ST3GAL4: variants seen among roughly 807,000 people sequenced by gnomAD.
ST3GAL4 encodes the protein ST3 beta-galactoside alpha-2,3-sialyltransferase 4.
Under a neutral mutation model 42.6 loss-of-function variants are expected in ST3GAL4, and 24 were observed. That is an observed-to-expected ratio of 0.56 (90% CI 0.41 to 0.79). The LOEUF is 0.79. Ranked by LOEUF, ST3GAL4 falls within the 30% of genes least tolerant of loss-of-function variation. The probability of loss-of-function intolerance (pLI) is 0.00; values close to 1 mark genes in which losing one functional copy is unlikely to be tolerated. For missense variants in ST3GAL4, 311 were observed against 430.8 expected, an observed-to-expected ratio of 0.72 and a Z score of 2.46; for synonymous variants, 135 against 163.2, an observed-to-expected ratio of 0.83 and a Z score of 1.32.
intron 1 of ST3GAL4, among the ~76,000 whole-genome samples, chr11:126,375,813 G>C (rs1027999151): frequency 6.6e-6 from 1 of 150,678 alleles, no homozygotes; most frequent in East Asian, 1.9e-4. Flanking sequence ...ACAATGAACT[G>C]TCTGGCCCCC....
chr11:126,377,094 C>A (rs1435536666), intron 1 of ST3GAL4, among the ~76,000 whole-genome samples: 1 of 152,154 alleles, frequency 6.6e-6, no homozygotes, highest in Non-Finnish European at 1.5e-5. Flanking sequence ...GAAGGCAGTG[C>A]CCATCTAATG....
rs1185385904 is a variant in ST3GAL4 at position 126,363,392 on chromosome 11, G to C, written c.-61+7550G>C. On this transcript the variant is annotated intron_variant, in intron 1 of 10. Transcript: ENST00000444328. The surrounding 1 kb of genome is among the most constrained non-coding windows in gnomAD (Gnocchi z 4.6). ...CCTCAGCATTCAGGTTGTCCTCATA[G>C]TGGAACTGGGACTCTGGGGGTGGCT... is the stretch of plus-strand genomic sequence containing the variant. Among the ~76,000 whole-genome samples, 3 of 152,246 alleles carry C rather than the reference G, an allele frequency of 2.0e-5. No individual in the cohort carries two copies. Among genetic ancestry groups the C allele is most frequent in the South Asian group, 2.1e-4 (1 of 4,826 alleles).
At chr11:126,395,093 G>A (rs533828948) in intron 1 of ST3GAL4, among the ~76,000 whole-genome samples, 3 of 152,160 alleles carry the variant, frequency 2.0e-5, no homozygotes, top group Non-Finnish European at 4.4e-5. Context: ...AGGCTACAGC[G>A]TCCAGCCAGG....
chr11:126,374,456 A>C (rs1030803723), intron 1 of ST3GAL4, among the ~76,000 whole-genome samples: 1 of 116,766 alleles, frequency 8.6e-6, no homozygotes, highest in African/African-American at 4.0e-5. Context: ...TTTGTCTCCA[A>C]AAAAAAAAAA....
chr11:126,395,019 T>G (rs1455848221), intron 1 of ST3GAL4, among the ~76,000 whole-genome samples: 1 of 152,020 alleles, frequency 6.6e-6, no homozygotes, highest in African/African-American at 2.4e-5. Context: ...CTGCCAACTC[T>G]AATGAGCCAG....
Position 126,366,830 on chromosome 11 carries a change from C to T in ST3GAL4, c.-61+10988C>T, listed in dbSNP as rs752343186. On this transcript the variant is annotated intron_variant, in intron 1 of 10. Coordinates refer to ENST00000444328, the MANE Select transcript of ST3GAL4 (RefSeq NM_001254757.2). This position sits in a 1 kb window ranked among gnomAD's most constrained non-coding sequence, Gnocchi z 4.2. ...TCCTTCCGGGAGGAGGCAGGGTGAGCGCAGAAACCACTGCTCCAAAACTCT... is the reference window on the plus strand; with the variant it reads ...TCCTTCCGGGAGGAGGCAGGGTGAGTGCAGAAACCACTGCTCCAAAACTCT... 6.6e-5 allele frequency among the ~76,000 whole-genome samples: 10 copies of T among 152,132 alleles called. No homozygotes were observed. Among genetic ancestry groups the T allele is most frequent in the Non-Finnish European group, 1.3e-4 (9 of 68,026 alleles).
chr11:126,405,092 G>A (rs1954166356), intron 1 of ST3GAL4, among the ~76,000 whole-genome samples: 2 of 152,346 alleles, frequency 1.3e-5, no homozygotes, highest in African/African-American at 2.4e-5. Context: ...AGGTGGTCTG[G>A]TCTCCAGGGA....
At chr11:126,399,620 TAA>T (rs1304745427) in intron 1 of ST3GAL4, among the ~76,000 whole-genome samples, 3 of 152,160 alleles carry the variant, frequency 2.0e-5, no homozygotes, top group Admixed American at 6.5e-5. Context: ...CTTTTATTTA[TAA>T]GTTTCATCTT....
In ST3GAL4 at chr11:126,386,763, C is replaced by T. The variant is rs1953241269; in HGVS notation, c.-60-19333C>T. Among the ~76,000 whole-genome samples the T allele has an allele frequency of 6.6e-6, 1 of 152,170 alleles. No homozygotes were observed. Among genetic ancestry groups the T allele is most frequent in the African/African-American group, 2.4e-5 (1 of 41,444 alleles). On this transcript the variant is annotated intron_variant, in intron 1 of 10. Transcript: ENST00000444328. This position sits in a 1 kb window ranked among gnomAD's most constrained non-coding sequence, Gnocchi z 4.7. ...TCCCCTGGGGTGCTTCTGGCAACGC[C>T]CAGGTCTGTGCACATCCAGATCTTT... is the stretch of plus-strand genomic sequence containing the variant.
chr11:126,364,421 G>A (rs1039294571), intron 1 of ST3GAL4, among the ~76,000 whole-genome samples: 1 of 141,672 alleles, frequency 7.1e-6, no homozygotes, highest in Non-Finnish European at 1.5e-5. Context: ...CTGCTTCCTG[G>A]GGAGGGGAGG....
In ST3GAL4 at chr11:126,366,729, C is replaced by T. The variant is rs1482729432; in HGVS notation, c.-61+10887C>T. Among the ~76,000 whole-genome samples, 2 of 152,178 alleles carry T rather than the reference C, an allele frequency of 1.3e-5. No individual in the cohort carries two copies. The highest frequency in any genetic ancestry group is 1.9e-4 in the East Asian group (1 of 5,194). ...CCTTGTTCATCAAGCACCAGGCTGACCATGGTGTCCGTCTCAGTGCCCAGC... is the reference window on the plus strand; with the variant it reads ...CCTTGTTCATCAAGCACCAGGCTGATCATGGTGTCCGTCTCAGTGCCCAGC... On this transcript the variant is annotated intron_variant, in intron 1 of 10. Transcript: ENST00000444328. This position sits in a 1 kb window ranked among gnomAD's most constrained non-coding sequence, Gnocchi z 4.2.
chr11:126,389,691 C>T (rs1211170644), intron 1 of ST3GAL4, among the ~76,000 whole-genome samples: 1 of 152,118 alleles, frequency 6.6e-6, no homozygotes, highest in Non-Finnish European at 1.5e-5. Flanking sequence ...TAGTTAGCCT[C>T]CTGAGGAACT....
At chr11:126,405,386 C>T (rs1382539344) in intron 1 of ST3GAL4, among the ~76,000 whole-genome samples, 1 of 152,262 alleles carries the variant, frequency 6.6e-6, no homozygotes, top group East Asian at 1.9e-4. Flanking sequence ...CATCTCTTGA[C>T]TTCTCTTTGG....
At chr11:126,401,187 TA>T (rs1270568563) in intron 1 of ST3GAL4, among the ~76,000 whole-genome samples, 1 of 152,116 alleles carries the variant, frequency 6.6e-6, no homozygotes, top group Non-Finnish European at 1.5e-5. Flanking sequence ...GAATAGTAGT[TA>T]AACCTCTGAA....
At position 126,363,951 on chromosome 11, in the gene ST3GAL4, G is replaced by A. The variant is rs1193892314; in HGVS notation, c.-61+8109G>A. Reference sequence around the variant, plus strand: ...GGCTTTGTGACCCTCGCTTTGTACTGTGGCTTTGTTCTGCCTTAGGGACCA... The same window carrying A: ...GGCTTTGTGACCCTCGCTTTGTACTATGGCTTTGTTCTGCCTTAGGGACCA... On this transcript the variant is annotated intron_variant, in intron 1 of 10. Transcript: ENST00000444328. This position sits in a 1 kb window ranked among gnomAD's most constrained non-coding sequence, Gnocchi z 4.6. 6.6e-6 allele frequency among the ~76,000 whole-genome samples: 1 copy of A among 152,234 alleles called. No homozygotes were observed. Among genetic ancestry groups the A allele is most frequent in the Non-Finnish European group, 1.5e-5 (1 of 68,052 alleles).
intron 1 of ST3GAL4, chr11:126,374,949 T>TGG (rs2135421173): frequency 6.6e-6 from 1 of 152,040 alleles, no homozygotes; most frequent in East Asian, 1.9e-4. Context: ...CTCTAGAACG[T>TGG]GGGCAGCGGA....
chr11:126,361,355 C>G (rs1952235247), intron 1 of ST3GAL4, among the ~76,000 whole-genome samples: 1 of 132,582 alleles, frequency 7.5e-6, no homozygotes, highest in Admixed American at 8.6e-5. Flanking sequence ...CAGAGGGTTT[C>G]TTGGCTTTAA....
At position 126,393,196 on chromosome 11, in the gene ST3GAL4, T is replaced by C. The variant is rs1469469997; in HGVS notation, c.-60-12900T>C. The C allele has an allele frequency of 1.3e-5, 2 of 152,186 alleles. No homozygotes were observed. Among genetic ancestry groups the C allele is most frequent in the African/African-American group, 2.4e-5 (1 of 41,438 alleles). The allele number at this position is 152,186 out of a possible 1,614,324, so 9.4% of individuals were successfully genotyped here. On this transcript the variant is annotated intron_variant, in intron 1 of 10. Coordinates refer to ENST00000444328, the MANE Select transcript of ST3GAL4 (RefSeq NM_001254757.2). The surrounding 1 kb of genome is among the most constrained non-coding windows in gnomAD (Gnocchi z 5.9). ...GACAGGGTTTAGTCTCGGTAGCCAG[T>C]GCCTAGGGCACAGGTCTTGGCCAGA...
chr11:126,395,553 T>C (rs1953711191), intron 1 of ST3GAL4, among the ~76,000 whole-genome samples: 1 of 152,144 alleles, frequency 6.6e-6, no homozygotes, highest in African/African-American at 2.4e-5. Context: ...AAATCTCATA[T>C]TGAATTGTAG....
Sources: allele counts gnomAD v4.1 joint callset (sites outside exome capture counted in the v4.1 genomes callset), GRCh38; gene constraint gnomAD v4.1.1; non-coding constraint Gnocchi (gnomAD v3.1); transcripts MANE v1.5; gene names NCBI Gene and HGNC (gene_info 2026-07-23, HGNC 2026-07-21).